HMBOX1: variants seen among roughly 807,000 people sequenced by gnomAD.
HMBOX1 encodes the protein homeobox-containing protein 1.
Under a neutral mutation model 54.5 loss-of-function variants are expected in HMBOX1, and 14 were observed. The observed-to-expected ratio is 0.26, with a 90% confidence interval of 0.17 to 0.40. The LOEUF (loss-of-function observed/expected upper bound fraction) is 0.40. Among genes scored for constraint, HMBOX1 ranks in the 10% least tolerant of loss-of-function variants. HMBOX1 has a pLI of 1.00. For missense variants in HMBOX1, 332 were observed against 514.4 expected (o/e 0.65, Z 3.43); for synonymous variants, 160 against 181.0 (o/e 0.88, Z 0.93).
chr8:28,977,784 C>T (rs1828655458), intron 3 of HMBOX1, among the ~76,000 whole-genome samples: 1 of 147,736 alleles, frequency 6.8e-6, no homozygotes, highest in Admixed American at 6.7e-5. Flanking sequence ...ACTAAAAATA[C>T]AAAAAAAAAA....
intron 1 of HMBOX1, among the ~76,000 whole-genome samples, chr8:28,897,262 C>T (rs937789421): frequency 1.3e-5 from 2 of 151,378 alleles, no homozygotes; most frequent in Non-Finnish European, 1.5e-5. Context: ...GGATTACAGG[C>T]GTAAGCCACT....
At chr8:28,991,529 A>G (rs902455543) in intron 4 of HMBOX1, among the ~76,000 whole-genome samples, 3 of 152,220 alleles carry the variant, frequency 2.0e-5, no homozygotes, top group Non-Finnish European at 4.4e-5. Context: ...TGTCGATTTT[A>G]AAGTACGAGG....
intron 1 of HMBOX1, among the ~76,000 whole-genome samples, chr8:28,894,924 G>GT (rs1021547070): frequency 4.1e-5 from 6 of 145,406 alleles, no homozygotes; most frequent in Admixed American, 6.9e-5. Flanking sequence ...TTAGGCTATA[G>GT]TTTTTTTTTA....
intron 4 of HMBOX1, among the ~76,000 whole-genome samples, chr8:29,007,649 T>C (rs1041224020): frequency 3.3e-5 from 5 of 152,016 alleles, no homozygotes; most frequent in Non-Finnish European, 7.4e-5. Context: ...AGACCCTGTC[T>C]CTACAGAAAA....
chr8:29,026,216 T>G (rs1332488440), intron 6 of HMBOX1, among the ~76,000 whole-genome samples: 1 of 152,202 alleles, frequency 6.6e-6, no homozygotes, highest in Non-Finnish European at 1.5e-5. Context: ...TTCCACATAT[T>G]TGACTTCTAA....
At chr8:28,895,732 G>C (rs1811979934) in intron 1 of HMBOX1, among the ~76,000 whole-genome samples, 1 of 152,010 alleles carries the variant, frequency 6.6e-6, no homozygotes, top group Admixed American at 6.5e-5. Context: ...TCCTTGGCTT[G>C]TGTGTAGTCA....
intron 1 of HMBOX1, among the ~76,000 whole-genome samples, chr8:28,908,092 A>G (rs1217647213): frequency 6.6e-6 from 1 of 152,082 alleles, no homozygotes; most frequent in Non-Finnish European, 1.5e-5. Flanking sequence ...GCCTCAAGTG[A>G]TTTGCCTGCA....
At chr8:29,027,297 G>A (rs1478764218) in intron 6 of HMBOX1, among the ~76,000 whole-genome samples, 1 of 152,194 alleles carries the variant, frequency 6.6e-6, no homozygotes, top group Non-Finnish European at 1.5e-5. Context: ...TACGGGCTGT[G>A]AGGCAAAGTG....
chr8:28,969,464 T>A (rs1827018707), intron 2 of HMBOX1, among the ~76,000 whole-genome samples: 1 of 146,842 alleles, frequency 6.8e-6, no homozygotes, highest in Non-Finnish European at 1.5e-5. Flanking sequence ...ATGGTGCTTA[T>A]TTTTTTTTTT....
chr8:28,981,020 A>G (rs1254054531), intron 4 of HMBOX1, among the ~76,000 whole-genome samples: 2 of 152,146 alleles, frequency 1.3e-5, no homozygotes, highest in Non-Finnish European at 2.9e-5. Flanking sequence ...TCCTGCTACA[A>G]TGAAATACTT....
intron 6 of HMBOX1, among the ~76,000 whole-genome samples, chr8:29,034,909 C>A (rs1357850278): frequency 6.6e-6 from 1 of 152,014 alleles, no homozygotes; most frequent in Non-Finnish European, 1.5e-5. Context: ...TTATCTATAT[C>A]CTGGTAGTTT....
At chr8:29,018,984 C>A in intron 6 of HMBOX1, 71 bp downstream of exon 6, 2 of 1,408,816 alleles carry the variant, frequency 1.4e-6, no homozygotes, top group South Asian at 1.2e-5. Flanking sequence ...TAGACTGGGA[C>A]AGTTTTCATT....
At chr8:28,934,733 G>A (rs977511643) in intron 1 of HMBOX1, among the ~76,000 whole-genome samples, 3 of 152,114 alleles carry the variant, frequency 2.0e-5, no homozygotes, top group African/African-American at 7.2e-5. Context: ...AGACCATCCT[G>A]GCTAACACGG....
At chr8:28,984,921 GA>G (rs1829949872) in intron 4 of HMBOX1, among the ~76,000 whole-genome samples, 1 of 151,394 alleles carries the variant, frequency 6.6e-6, no homozygotes, top group South Asian at 2.1e-4. Flanking sequence ...CACAGAAGAA[GA>G]AAAAAACAGC....
At chr8:28,912,887 A>G (rs1815733886) in intron 1 of HMBOX1, among the ~76,000 whole-genome samples, 1 of 152,144 alleles carries the variant, frequency 6.6e-6, no homozygotes, top group South Asian at 2.1e-4. Context: ...ATGCCTTTTT[A>G]TGCTTTAAAA....
intron 1 of HMBOX1, among the ~76,000 whole-genome samples, chr8:28,916,927 C>T (rs1026227920): frequency 6.6e-6 from 1 of 151,936 alleles, no homozygotes; most frequent in African/African-American, 2.4e-5. Flanking sequence ...ATTAGCCAAA[C>T]TTAGTGATGC....
intron 1 of HMBOX1, among the ~76,000 whole-genome samples, chr8:28,932,994 A>T (rs778602922): frequency 2.0e-4 from 31 of 152,192 alleles, no homozygotes; most frequent in Non-Finnish European, 4.0e-4. Flanking sequence ...GAGGCTCAAG[A>T]TTTATAGTCA....
At chr8:28,893,664 A>G (rs1290146854) in intron 1 of HMBOX1, among the ~76,000 whole-genome samples, 2 of 152,226 alleles carry the variant, frequency 1.3e-5, no homozygotes, top group Non-Finnish European at 2.9e-5. Flanking sequence ...CCTAAGTTAC[A>G]AAATATGTGG....
chr8:29,051,879 G>T lies in HMBOX1; in HGVS notation c.*724G>T. 2.0e-5 allele frequency: 2 copies of T among 101,170 alleles called. No individual in the cohort carries two copies. Among genetic ancestry groups the T allele is most frequent in the Non-Finnish European group, 1.8e-5 (1 of 55,136 alleles). 6.3% of individuals were successfully genotyped at this position (101,170 alleles called of 1,614,324 possible). The stretch of plus-strand genomic sequence containing the variant: ...CTTTGGGACCATGATTAAAAACAAA[G>T]ACAAAAACCAAAAGTCATTAAAAAA... On this transcript the variant is annotated 3_prime_UTR_variant, in exon 10 of 10. Transcript: ENST00000287701.
Sources: allele counts gnomAD v4.1 joint callset (sites outside exome capture counted in the v4.1 genomes callset), GRCh38; gene constraint gnomAD v4.1.1; transcripts MANE v1.5; gene names NCBI Gene and HGNC (gene_info 2026-07-23, HGNC 2026-07-21).